RBFOX1: variants seen among roughly 807,000 people sequenced by gnomAD.
RBFOX1 encodes the protein RNA binding protein fox-1 homolog 1.
A neutral mutation model predicts 57.7 loss-of-function variants in RBFOX1; 8 were observed. The observed-to-expected ratio is 0.14, with a 90% CI of 0.08 to 0.25. The LOEUF is 0.25. Among genes scored for constraint, RBFOX1 ranks in the 10% least tolerant of loss-of-function variants. RBFOX1 has a pLI of 1.00. For missense variants in RBFOX1, 611 were observed against 548.5 expected, an observed-to-expected ratio of 1.11 and a Z score of -1.14; for synonymous variants, 326 against 222.4, an observed-to-expected ratio of 1.47 and a Z score of -4.15.
intron 4 of RBFOX1, among the ~76,000 whole-genome samples, chr16:7,106,683 G>T (rs757350928): frequency 1.3e-5 from 2 of 151,794 alleles, no homozygotes; most frequent in East Asian, 3.9e-4. Context: ...GAAATCCTAC[G>T]ATGTGTGAGC....
intron 2 of RBFOX1, among the ~76,000 whole-genome samples, chr16:5,531,842 C>G (rs964607391): frequency 3.6e-4 from 55 of 151,032 alleles, no homozygotes; most frequent in Middle Eastern, 3.4e-3. Flanking sequence ...CACTCTGTCA[C>G]CCAGGCTGAA....
intron 3 of RBFOX1, among the ~76,000 whole-genome samples, chr16:6,661,012 G>T (rs374866372): frequency 2.0e-5 from 3 of 152,098 alleles, no homozygotes; most frequent in Non-Finnish European, 4.4e-5. Flanking sequence ...AGGAGTGATT[G>T]TCTTTAACGT....
intron 4 of RBFOX1, among the ~76,000 whole-genome samples, chr16:7,250,660 T>C (rs911740016): frequency 2.6e-5 from 4 of 152,214 alleles, no homozygotes; most frequent in Non-Finnish European, 5.9e-5. Flanking sequence ...ATTTTACCAT[T>C]AGACTCTTGA....
intron 4 of RBFOX1, among the ~76,000 whole-genome samples, chr16:7,421,252 C>T (rs1269341520): frequency 6.6e-6 from 1 of 152,010 alleles, no homozygotes; most frequent in Non-Finnish European, 1.5e-5. Context: ...AGAGAACAAC[C>T]TATGTTGTAA....
chr16:6,046,819 G>A (rs2095500660), intron 1 of RBFOX1, among the ~76,000 whole-genome samples: 1 of 152,160 alleles, frequency 6.6e-6, no homozygotes, highest in Admixed American at 6.5e-5. Flanking sequence ...AATGAAGTCG[G>A]CTTTATCTAG....
At chr16:5,926,047 T>C (rs1197707369) in intron 4 of RBFOX1, among the ~76,000 whole-genome samples, 1 of 152,190 alleles carries the variant, frequency 6.6e-6, no homozygotes, top group Admixed American at 6.5e-5. Context: ...ACTTGGGTGA[T>C]GTTCTGACTG....
intron 2 of RBFOX1, among the ~76,000 whole-genome samples, chr16:5,539,661 G>C (rs2044853667): frequency 6.6e-6 from 1 of 152,006 alleles, no homozygotes. Flanking sequence ...GGGAGTGATG[G>C]GAATAGTTAA....
At chr16:5,875,243 C>CA (rs1183988670) in intron 4 of RBFOX1, among the ~76,000 whole-genome samples, 2 of 152,034 alleles carry the variant, frequency 1.3e-5, no homozygotes, top group Non-Finnish European at 2.9e-5. Flanking sequence ...ATGTTACAGA[C>CA]AAAAAAACTG....
chr16:5,888,510 T>G (rs2151929996), intron 4 of RBFOX1, among the ~76,000 whole-genome samples: 1 of 152,202 alleles, frequency 6.6e-6, no homozygotes, highest in African/African-American at 2.4e-5. Flanking sequence ...AAAATAGTTG[T>G]TGAGGCCGGG....
upstream of RBFOX1, among the ~76,000 whole-genome samples, chr16:6,014,964 C>A (rs1212285229): frequency 6.6e-6 from 1 of 151,860 alleles, no homozygotes; most frequent in Non-Finnish European, 1.5e-5. Context: ...TAAGCAATCC[C>A]CCCACCTCAG....
At chr16:7,656,845 C>T (rs895658688) in intron 12 of RBFOX1, among the ~76,000 whole-genome samples, 2 of 152,120 alleles carry the variant, frequency 1.3e-5, no homozygotes, top group East Asian at 3.9e-4. Context: ...GGTCCTTAGC[C>T]CAGCTTGGGT....
intron 1 of RBFOX1, among the ~76,000 whole-genome samples, chr16:6,030,167 A>G (rs928041814): frequency 6.6e-6 from 1 of 152,162 alleles, no homozygotes. Flanking sequence ...GGGTCAAGCA[A>G]TCTTCCCTTA....
chr16:7,398,911 C>T (rs1266815837), intron 4 of RBFOX1, among the ~76,000 whole-genome samples: 2 of 152,168 alleles, frequency 1.3e-5, no homozygotes, highest in African/African-American at 4.8e-5. Context: ...AACAAATGCC[C>T]ACAAACTTGG....
At chr16:6,964,069 A>G (rs749394846) in intron 3 of RBFOX1, among the ~76,000 whole-genome samples, 16 of 151,632 alleles carry the variant, frequency 1.1e-4, no homozygotes, top group Non-Finnish European at 1.5e-4. Flanking sequence ...CCCAGGCTGG[A>G]GTGCAGTGGT....
At chr16:6,127,841 T>A (rs537758632) in intron 1 of RBFOX1, among the ~76,000 whole-genome samples, 12 of 152,268 alleles carry the variant, frequency 7.9e-5, no homozygotes, top group East Asian at 1.9e-4. Context: ...CTAAAAAAAA[T>A]TTTTTTCTTT....
At chr16:6,513,879 C>G (rs1598617334) in intron 2 of RBFOX1, among the ~76,000 whole-genome samples, 1 of 152,156 alleles carries the variant, frequency 6.6e-6, no homozygotes, top group Non-Finnish European at 1.5e-5. Flanking sequence ...TAATCCAATA[C>G]TGTCACCTGA....
chr16:5,297,763 T>C lies in RBFOX1; in HGVS notation c.219+57658T>C, dbSNP rs77856962. Among the ~76,000 whole-genome samples the C allele has an allele frequency of 6.3e-3, 956 of 152,352 alleles. 12 individuals carry two copies. Among genetic ancestry groups the C allele is most frequent in the African/African-American group, 0.022 (905 of 41,590 alleles). On this transcript the variant is annotated intron_variant, in intron 1 of 2. Coordinates refer to the RBFOX1 transcript ENST00000585867. ...TTTAGGACAAATGTTACTGGTTGCA[T>C]GTAAGATTTTAGGTAGACCAATAGC...
intron 2 of RBFOX1, among the ~76,000 whole-genome samples, chr16:6,339,649 TTTTTATTTTATTTTA>T (rs150077063): frequency 6.9e-5 from 10 of 145,306 alleles, no homozygotes; most frequent in South Asian, 2.2e-4. Flanking sequence ...ATTCCTTTAT[TTTTTATTTTATTTTA>T]TTTTATTTTA....
chr16:6,478,416 TATATA>T (rs2095312812), intron 2 of RBFOX1, among the ~76,000 whole-genome samples: 30 of 24,792 alleles, frequency 1.2e-3, no homozygotes, highest in East Asian at 3.6e-3. Flanking sequence ...TATATATATA[TATATA>T]TATATATATT....
Sources: allele counts gnomAD v4.1 joint callset (sites outside exome capture counted in the v4.1 genomes callset), GRCh38; gene constraint gnomAD v4.1.1; transcripts MANE v1.5; gene names NCBI Gene and HGNC (gene_info 2026-07-23, HGNC 2026-07-21).